Variants in SCAF8 observed in about 807,000 individuals in gnomAD.
SCAF8 encodes the protein SR-related CTD associated factor 8.
A neutral mutation model predicts 140.5 loss-of-function variants in SCAF8; 23 were observed. The observed-to-expected ratio is 0.16, with a 90% confidence interval of 0.12 to 0.23. The LOEUF (loss-of-function observed/expected upper bound fraction) is 0.23, where lower values mean the gene tolerates loss of function less well. SCAF8 is among the 10% of genes least tolerant of loss of function. The pLI, the probability that SCAF8 is intolerant of heterozygous loss-of-function variation, is 1.00. For missense variants in SCAF8, 1,397 were observed against 1,555.7 expected (o/e 0.90, Z 1.72); for synonymous variants, 575 against 528.9 (o/e 1.09, Z -1.20).
At position 154,802,087 on chromosome 6, in the gene SCAF8, A is replaced by T. The variant is rs781584733; in HGVS notation, c.723A>T (p.Thr241=). ...VQLQALTAQL[T]AAAAAANTLT... is the part of the protein sequence containing the mutation. ...TGCAAGCTCTTACGGCACAACTTAC[A>T]GCTGCAGCTGCAGCTGCCAACACTC... The change falls in exon 7 of 20, where the codon ACA becomes ACT. Residue 241 remains threonine (T), a synonymous_variant. Coordinates refer to ENST00000367178, the MANE Select transcript of SCAF8 (RefSeq NM_014892.5). 6.2e-7 allele frequency: 1 copy of T among 1,612,490 alleles called. No homozygotes were observed. The highest frequency in any genetic ancestry group is 1.1e-5 in the South Asian group (1 of 90,888).
chr6:154,738,566 A>G (rs1031608325), intron 1 of SCAF8, among the ~76,000 whole-genome samples: 5 of 152,240 alleles, frequency 3.3e-5, no homozygotes, highest in African/African-American at 7.2e-5. Flanking sequence ...ACTACTTTCA[A>G]TTCTGAAATG....
Position 154,818,502 on chromosome 6 carries a change from T to G in SCAF8, c.1545T>G (p.Ala515=). 6.2e-7 allele frequency: 1 copy of G among 1,604,744 alleles called. No homozygotes were observed. The highest frequency in any genetic ancestry group is 8.5e-7 in the Non-Finnish European group (1 of 1,175,298). ...AGATGATTCCTCCCCGGGGCTGTGCTTATGTCTGCATGGTTCATCGACAAG... is the reference window on the plus strand; with the variant it reads ...AGATGATTCCTCCCCGGGGCTGTGCGTATGTCTGCATGGTTCATCGACAAG... ...SINMIPPRGC[A]YVCMVHRQDA... The change falls in exon 14 of 20, where the codon GCT becomes GCG. Residue 515 remains alanine (A), a synonymous_variant. Transcript: ENST00000367178.
rs928164085 is a variant in SCAF8 at position 154,734,044 on chromosome 6, C to A, written c.30+114C>A. The A allele has an allele frequency of 2.3e-5, 32 of 1,390,882 alleles. No homozygotes were observed. In the Admixed American group the frequency reaches 9.1e-4, roughly 40 times the overall value. 86.2% of individuals were successfully genotyped at this position (1,390,882 alleles called of 1,614,324 possible). On this transcript the variant is annotated intron_variant, in intron 1 of 19. Coordinates refer to ENST00000367178, the MANE Select transcript of SCAF8 (RefSeq NM_014892.5). ...GCGGGTTTTTTAAGGGTGGGGTGAG[C>A]GGTGGCCTAGCAGTGCCCGTGGGGG...
intron 1 of SCAF8, among the ~76,000 whole-genome samples, chr6:154,770,884 A>G (rs1160505008): frequency 1.3e-5 from 2 of 152,098 alleles, no homozygotes; most frequent in East Asian, 3.9e-4. Context: ...AACTGGGATT[A>G]CAGGCATTTA....
intron 4 of SCAF8, among the ~76,000 whole-genome samples, chr6:154,789,475 A>G (rs910129467): frequency 2.6e-5 from 4 of 151,784 alleles, no homozygotes; most frequent in African/African-American, 9.7e-5. Flanking sequence ...TGAGACAGAA[A>G]GTTTTTGATT....
At chr6:154,748,185 C>G (rs1317981135) in intron 1 of SCAF8, among the ~76,000 whole-genome samples, 2 of 152,056 alleles carry the variant, frequency 1.3e-5, no homozygotes, top group African/African-American at 4.8e-5. Context: ...TAAGGGAAGA[C>G]AATAAAATAA....
intron 15 of SCAF8, among the ~76,000 whole-genome samples, chr6:154,821,453 A>G (rs1336577497): frequency 2.6e-5 from 4 of 152,146 alleles, no homozygotes; most frequent in Non-Finnish European, 5.9e-5. Context: ...CACATTTATT[A>G]TCTGTGAAAA....
chr6:154,791,590 C>G (rs1777420617), intron 4 of SCAF8, among the ~76,000 whole-genome samples: 1 of 151,996 alleles, frequency 6.6e-6, no homozygotes, highest in Non-Finnish European at 1.5e-5. Context: ...ACCCGAGAAT[C>G]CTTCTGGTAT....
At chr6:154,764,116 T>G (rs1776489363) in intron 1 of SCAF8, among the ~76,000 whole-genome samples, 1 of 152,192 alleles carries the variant, frequency 6.6e-6, no homozygotes, top group African/African-American at 2.4e-5. Context: ...GTCTTCAGAT[T>G]AAAAATATGC....
At chr6:154,818,417 C>T in intron 13 of SCAF8, 62 bp from the exon 14 acceptor site, 4 of 801,110 alleles carry the variant, frequency 5.0e-6, no homozygotes, top group Non-Finnish European at 2.0e-6. Flanking sequence ...TCATTTAAAC[C>T]ATAAAATACC....
intron 1 of SCAF8, among the ~76,000 whole-genome samples, chr6:154,764,553 C>G (rs1268788002): frequency 1.3e-5 from 2 of 152,082 alleles, no homozygotes; most frequent in African/African-American, 2.4e-5. Context: ...ACCAGTAGCC[C>G]TAGAAAAGGT....
chr6:154,818,742 T>C lies in SCAF8; in HGVS notation c.1635+150T>C, dbSNP rs188584282. On this transcript the variant is annotated intron_variant, in intron 14 of 19. Coordinates refer to ENST00000367178, the MANE Select transcript of SCAF8 (RefSeq NM_014892.5). The stretch of plus-strand genomic sequence containing the variant: ...TGTATTATATTCTTTTTAAATGTTA[T>C]GGACAAACCTCATCAGAAACTTATT... 1,087 of 398,712 alleles carry C rather than the reference T, an allele frequency of 2.7e-3. 14 individuals are homozygous for C. The highest frequency in any genetic ancestry group is 0.02 in the African/African-American group (958 of 48,282). The allele number at this position is 398,712 out of a possible 1,614,324, so 24.7% of individuals were successfully genotyped here.
At chr6:154,733,964 C>T in intron 1 of SCAF8, 34 bp downstream of exon 1, 1 of 1,510,698 alleles carries the variant, frequency 6.6e-7, no homozygotes, top group Admixed American at 2.6e-5. Flanking sequence ...CTGCTCCTGC[C>T]CGCACCGCCC....
rs576108202 is a variant in SCAF8, at chr6:154,822,370, C to T, written c.1887C>T (p.Thr629=). The T allele has an allele frequency of 3.7e-6, 6 of 1,613,464 alleles. No individual in the cohort carries two copies. The South Asian group carries it at 5.5e-5, about 15-fold the overall frequency. Residue 629 remains threonine, a synonymous_variant, in exon 16 of 20, where the codon ACC becomes ACT. Transcript: ENST00000367178. Reference sequence around the variant, plus strand: ...TTGAAAAGGAGACAGTGGTCACAACCCAGGCAGAGGTTTTCCCTCCTCCTG... The same window carrying T: ...TTGAAAAGGAGACAGTGGTCACAACTCAGGCAGAGGTTTTCCCTCCTCCTG... ...TPVEKETVVT[T]QAEVFPPPVA... is the part of the protein sequence containing the mutation.
In SCAF8 at chr6:154,833,161, G is replaced by A. The variant is rs888486708; in HGVS notation, c.3582G>A (p.Arg1194=). 1.2e-6 allele frequency: 2 copies of A among 1,614,016 alleles called. No homozygotes were observed. The highest frequency in any genetic ancestry group is 1.3e-5 in the African/African-American group (1 of 75,016). The change falls in exon 20 of 20, where the codon CGG becomes CGA. Residue 1194 remains arginine (R), a synonymous_variant. Coordinates refer to ENST00000367178, the MANE Select transcript of SCAF8 (RefSeq NM_014892.5). The part of the protein sequence containing the change: ...QNTWVPPPHA[R]VFDYFEGATS... ...CTTGGGTTCCCCCTCCTCATGCTCG[G>A]GTTTTTGATTATTTTGAAGGGGCCA...
In SCAF8 at chr6:154,832,672, C is replaced by T; in HGVS notation, c.3093C>T (p.Pro1031=). ...CCAGGGAAAGCATTAGTAGACCTCCCCCTGTGGATGTTAGAGATGTGGTTG... is the reference window on the plus strand; with the variant it reads ...CCAGGGAAAGCATTAGTAGACCTCCTCCTGTGGATGTTAGAGATGTGGTTG... ...IETRESISRP[P]PVDVRDVVGR... is the part of the protein sequence containing the mutation. Residue 1031 remains proline (P), a synonymous_variant, in exon 20 of 20, where the codon CCC becomes CCT. Coordinates refer to ENST00000367178, the MANE Select transcript of SCAF8 (RefSeq NM_014892.5). The T allele has an allele frequency of 6.2e-7, 1 of 1,613,980 alleles. No individual in the cohort carries two copies. Among genetic ancestry groups the T allele is most frequent in the Non-Finnish European group, 8.5e-7 (1 of 1,179,980 alleles).
intron 1 of SCAF8, among the ~76,000 whole-genome samples, chr6:154,759,081 C>T (rs1350240385): frequency 6.6e-6 from 1 of 152,120 alleles, no homozygotes; most frequent in Non-Finnish European, 1.5e-5. Context: ...GGTCATTTTT[C>T]AGGTTTGACT....
intron 1 of SCAF8, among the ~76,000 whole-genome samples, chr6:154,762,445 C>T (rs181159923): frequency 6.6e-6 from 1 of 152,100 alleles, no homozygotes; most frequent in African/African-American, 2.4e-5. Context: ...CCCTCATGTC[C>T]TAGTAGCCAT....
chr6:154,770,848 A>G (rs1776742262), intron 1 of SCAF8, among the ~76,000 whole-genome samples: 11 of 152,128 alleles, frequency 7.2e-5, no homozygotes, highest in Admixed American at 7.2e-4. Context: ...AGGTTCAAGC[A>G]ATTCTCATGC....
Sources: gnomAD v4.1 joint callset for allele counts (sites outside exome capture counted in the v4.1 genomes callset) on GRCh38, gnomAD v4.1.1 for gene constraint, MANE v1.5 for transcripts, NCBI Gene and HGNC (gene_info 2026-07-23, HGNC 2026-07-21) for gene names.